The following TMEM200A variants were observed in gnomAD, a reference collection of about 807,000 sequenced individuals.
TMEM200A encodes the protein two transmembrane C.
Under a neutral mutation model 24.3 loss-of-function variants are expected in TMEM200A, and 12 were observed. The observed-to-expected ratio is 0.49, with a 90% CI of 0.32 to 0.80. The LOEUF is 0.80. Ranked by LOEUF, TMEM200A falls within the 30% of genes least tolerant of loss-of-function variation. The pLI, the probability that TMEM200A is intolerant of heterozygous loss-of-function variation, is 0.04. For synonymous variants in TMEM200A, 224 were observed against 224.4 expected (o/e 1.00, Z 0.02); for missense variants, 545 against 614.4 (o/e 0.89, Z 1.19).
chr6:130,441,999 G>A lies in TMEM200A; in HGVS notation c.*101G>A, dbSNP rs528318043. ...TGGCTGTAAGCCTTTTTAATCAAAT[G>A]GTTTGTAGTGTATTAGAATTGGCTG... is the stretch of plus-strand genomic sequence containing the variant. On this transcript the variant is annotated 3_prime_UTR_variant, in exon 3 of 3. Transcript: ENST00000296978. 2.5e-6 allele frequency: 3 copies of A among 1,205,684 alleles called. No individual in the cohort carries two copies. The South Asian group carries it at 4.9e-5, about 20-fold the overall frequency. 74.7% of individuals were successfully genotyped at this position (1,205,684 alleles called of 1,614,324 possible).
chr6:130,373,778 T>A (rs1252911457), intron 1 of TMEM200A, among the ~76,000 whole-genome samples: 1 of 152,192 alleles, frequency 6.6e-6, no homozygotes, highest in African/African-American at 2.4e-5. Flanking sequence ...GGTATGAAAA[T>A]TTCAGGCTCT....
chr6:130,415,217 G>C (rs1011308589), intron 2 of TMEM200A, among the ~76,000 whole-genome samples: 1 of 152,074 alleles, frequency 6.6e-6, no homozygotes, highest in African/African-American at 2.4e-5. Context: ...AGGGAGTTAG[G>C]GACCATTAGG....
intron 2 of TMEM200A, among the ~76,000 whole-genome samples, chr6:130,406,251 T>C (rs1029281978): frequency 7.2e-5 from 11 of 152,160 alleles, no homozygotes; most frequent in Admixed American, 7.2e-4. Flanking sequence ...ATATAAAATA[T>C]ATGTGCAGCT....
At chr6:130,365,729 T>C (rs1359660004), upstream of TMEM200A, 1 of 985,304 alleles carries the variant, frequency 1.0e-6, no homozygotes, top group East Asian at 1.1e-4. Flanking sequence ...GCGGGTACTT[T>C]GTTCCCAAAG....
intron 2 of TMEM200A, among the ~76,000 whole-genome samples, chr6:130,388,601 C>A (rs1244468722): frequency 1.3e-5 from 2 of 152,100 alleles, no homozygotes; most frequent in Non-Finnish European, 1.5e-5. Context: ...ATGATTGGTT[C>A]TTTTGCTGAG....
At chr6:130,416,327 GTCTCTCTC>G (rs140554338) in intron 2 of TMEM200A, among the ~76,000 whole-genome samples, 4 of 133,066 alleles carry the variant, frequency 3.0e-5, no homozygotes, top group African/African-American at 1.4e-4. Context: ...CTCTCTCTCT[GTCTCTCTC>G]TCTGTGTGTG....
intron 2 of TMEM200A, among the ~76,000 whole-genome samples, chr6:130,403,240 C>A (rs2115138088): frequency 6.6e-6 from 1 of 152,178 alleles, no homozygotes; most frequent in Non-Finnish European, 1.5e-5. Flanking sequence ...GCAAGATATT[C>A]ATAAGAAGCC....
chr6:130,434,844 A>G (rs1235326178), intron 2 of TMEM200A, among the ~76,000 whole-genome samples: 1 of 152,120 alleles, frequency 6.6e-6, no homozygotes, highest in African/African-American at 2.4e-5. Flanking sequence ...ATCTCTCTGT[A>G]GTGAGAAAGG....
At position 130,366,714 on chromosome 6, in the gene TMEM200A, T is replaced by C. The variant is rs936207666; in HGVS notation, c.-81+190T>C. ...CCGCCATCAGGTCCAGACTCCCCAG[T>C]CCCGGGAGCGCGAGAGAAGCCGTGC... On this transcript the variant is annotated intron_variant, in intron 1 of 2. Coordinates refer to ENST00000296978, the MANE Select transcript of TMEM200A (RefSeq NM_001258277.2). The surrounding 1 kb of genome is among the most constrained non-coding windows in gnomAD (Gnocchi z 4.4). Among the ~76,000 whole-genome samples the C allele has an allele frequency of 1.4e-4, 22 of 152,080 alleles. No homozygotes were observed. Among genetic ancestry groups the C allele is most frequent in the African/African-American group, 5.1e-4 (21 of 41,410 alleles).
chr6:130,367,083 G>A (rs565967474), intron 1 of TMEM200A, among the ~76,000 whole-genome samples: 157 of 152,254 alleles, frequency 1.0e-3, no homozygotes, highest in African/African-American at 3.8e-3. Context: ...TTGTGTAGGC[G>A]CAAGCTCTCT....
chr6:130,414,386 C>T (rs771613777), intron 2 of TMEM200A, among the ~76,000 whole-genome samples: 10 of 145,748 alleles, frequency 6.9e-5, no homozygotes, highest in Admixed American at 1.4e-4. Flanking sequence ...AAGCTGAGAT[C>T]GCGCTGCTGC....
intron 2 of TMEM200A, among the ~76,000 whole-genome samples, chr6:130,406,012 G>A (rs1452404175): frequency 6.6e-6 from 1 of 152,090 alleles, no homozygotes; most frequent in Non-Finnish European, 1.5e-5. Flanking sequence ...CCTGGCTTCT[G>A]GGAATAGATG....
chr6:130,421,698 C>G (rs1409552983), intron 2 of TMEM200A, among the ~76,000 whole-genome samples: 1 of 152,112 alleles, frequency 6.6e-6, no homozygotes, highest in Non-Finnish European at 1.5e-5. Context: ...ATCTCCCATT[C>G]CTCCCTTCAC....
chr6:130,381,139 G>A (rs1778586560), intron 1 of TMEM200A, among the ~76,000 whole-genome samples: 1 of 152,196 alleles, frequency 6.6e-6, no homozygotes, highest in Admixed American at 6.5e-5. Flanking sequence ...CTGGGAGTTA[G>A]CACAGTGCCA....
chr6:130,393,313 T>C (rs890673615), intron 2 of TMEM200A, among the ~76,000 whole-genome samples: 1 of 152,182 alleles, frequency 6.6e-6, no homozygotes, highest in African/African-American at 2.4e-5. Context: ...AAGGGAGAAA[T>C]ACCAGAAGAG....
chr6:130,373,087 G>A (rs537733025), intron 1 of TMEM200A, among the ~76,000 whole-genome samples: 7 of 152,154 alleles, frequency 4.6e-5, no homozygotes, highest in Non-Finnish European at 1.0e-4. Flanking sequence ...TTCCTTTTGA[G>A]AATCAACATC....
intron 1 of TMEM200A, among the ~76,000 whole-genome samples, chr6:130,379,059 A>G (rs373968271): frequency 7.2e-5 from 11 of 152,270 alleles, no homozygotes; most frequent in African/African-American, 2.6e-4. Flanking sequence ...CCATAATGGC[A>G]TTACTCCATC....
chr6:130,388,931 C>T (rs1778773033), intron 2 of TMEM200A, among the ~76,000 whole-genome samples: 1 of 151,972 alleles, frequency 6.6e-6, no homozygotes, highest in Non-Finnish European at 1.5e-5. Context: ...ACTTACAAAA[C>T]CTAAATCATG....
At chr6:130,389,060 A>G (rs1778776122) in intron 2 of TMEM200A, among the ~76,000 whole-genome samples, 1 of 152,186 alleles carries the variant, frequency 6.6e-6, no homozygotes, top group South Asian at 2.1e-4. Flanking sequence ...GATAAGTCAA[A>G]GATATTGTCT....
Sources: gnomAD v4.1 joint callset for allele counts (sites outside exome capture counted in the v4.1 genomes callset) on GRCh38, gnomAD v4.1.1 for gene constraint, Gnocchi (gnomAD v3.1) non-coding constraint, MANE v1.5 for transcripts, NCBI Gene and HGNC (gene_info 2026-07-23, HGNC 2026-07-21) for gene names.